SV2C: variants seen among roughly 807,000 people sequenced by gnomAD.
SV2C encodes the protein solute carrier family 22 member B3.
In SV2C, 49 loss-of-function variants were observed where a neutral mutation model predicts 79.7. The observed-to-expected ratio is 0.61, with a 90% CI of 0.49 to 0.78. The LOEUF (loss-of-function observed/expected upper bound fraction) is 0.78. Among genes scored for constraint, SV2C ranks in the 30% least tolerant of loss-of-function variants. SV2C has a pLI of 0.00. For synonymous variants in SV2C, 334 were observed against 333.2 expected (o/e 1.00, Z -0.03); for missense variants, 833 against 912.9 (o/e 0.91, Z 1.13).
At chr5:76,285,449 C>A in intron 5 of SV2C, 154 bp downstream of exon 5, 2 of 1,078,974 alleles carry the variant, frequency 1.9e-6, no homozygotes, top group East Asian at 5.1e-5. Flanking sequence ...GACCTGCTTT[C>A]AACAACCAAC....
chr5:76,000,930 T>G, the SV2C span, among the ~76,000 whole-genome samples: 1 of 151,570 alleles, frequency 6.6e-6, no homozygotes, highest in African/African-American at 2.4e-5. Context: ...GCTTTCAGAG[T>G]GCTTTCTTCA....
chr5:76,209,855 C>T lies in SV2C; in HGVS notation c.881C>T (p.Ser294Phe), dbSNP rs1242161988. ...MFWMIGGIYASAMAWAIIPHY... is the reference protein window; with the variant it reads ...MFWMIGGIYAFAMAWAIIPHY... ...TGGATGATCGGTGGCATCTACGCCT[C>T]TGCCATGGCCTGGGCCATCATCCCG... Residue 294 changes from serine (S) to phenylalanine (F), a missense_variant, in exon 4 of 13, where the codon TCT becomes TTT. Physicochemically the swap from Ser to Phe is radical, Grantham distance 155. Coordinates refer to ENST00000502798, the MANE Select transcript of SV2C (RefSeq NM_014979.4). 6.2e-7 allele frequency: 1 copy of T among 1,614,042 alleles called. No homozygotes were observed. Among genetic ancestry groups the T allele is most frequent in the African/African-American group, 1.3e-5 (1 of 75,066 alleles).
chr5:75,876,311 T>C, the SV2C span, among the ~76,000 whole-genome samples: 1 of 152,028 alleles, frequency 6.6e-6, no homozygotes, highest in Non-Finnish European at 1.5e-5. Context: ...AGCAAACTAA[T>C]GCAGGAACAG....
chr5:76,053,057 G>A, the SV2C span, among the ~76,000 whole-genome samples: 1 of 151,618 alleles, frequency 6.6e-6, no homozygotes, highest in Non-Finnish European at 1.5e-5. Context: ...TCCGTATTCT[G>A]GCTTAGCCCA....
At chr5:76,105,799 C>G (rs983351990) in intron 1 of SV2C, among the ~76,000 whole-genome samples, 1 of 152,114 alleles carries the variant, frequency 6.6e-6, no homozygotes, top group African/African-American at 2.4e-5. Flanking sequence ...GGTCTTCCTC[C>G]TGCCACCTAG....
At chr5:76,123,081 A>G (rs972602145) in intron 1 of SV2C, among the ~76,000 whole-genome samples, 8 of 152,250 alleles carry the variant, frequency 5.3e-5, no homozygotes, top group Non-Finnish European at 7.3e-5. Flanking sequence ...AACTACCATC[A>G]GAGAATACTA....
chr5:76,209,671 G>T, intron 3 of SV2C, 65 bp from the exon 4 acceptor site: 3 of 1,528,174 alleles, frequency 2.0e-6, no homozygotes, highest in Non-Finnish European at 8.9e-7. Flanking sequence ...CTTTGGCTCT[G>T]CCCTTTGCGT....
intron 1 of SV2C, among the ~76,000 whole-genome samples, chr5:76,102,861 C>A (rs1747790644): frequency 6.6e-6 from 1 of 152,182 alleles, no homozygotes; most frequent in Non-Finnish European, 1.5e-5. Flanking sequence ...CATTGATGTG[C>A]TTCTGTGATT....
At chr5:76,257,687 G>T (rs1054661916) in intron 4 of SV2C, among the ~76,000 whole-genome samples, 1 of 150,826 alleles carries the variant, frequency 6.6e-6, no homozygotes, top group African/African-American at 2.4e-5. Context: ...TGTGGTGTGT[G>T]GTATGTATAG....
chr5:76,089,928 T>C (rs1389032079), intron 1 of SV2C, among the ~76,000 whole-genome samples: 1 of 152,256 alleles, frequency 6.6e-6, no homozygotes, highest in Non-Finnish European at 1.5e-5. Flanking sequence ...TCCTAGCATG[T>C]TACTTCATAG....
chr5:76,205,853 T>C (rs1478509222), intron 3 of SV2C, among the ~76,000 whole-genome samples: 1 of 152,160 alleles, frequency 6.6e-6, no homozygotes, highest in Non-Finnish European at 1.5e-5. Context: ...GTAGGGTGTT[T>C]AGCAGCGTCT....
chr5:76,001,931 T>C, the SV2C span, among the ~76,000 whole-genome samples: 1 of 152,102 alleles, frequency 6.6e-6, no homozygotes, highest in African/African-American at 2.4e-5. Context: ...CAACATGTAG[T>C]CTTTTATTCC....
At position 76,331,286 on chromosome 5, in the gene SV2C, T is replaced by A. The variant is rs1320061221; in HGVS notation, c.*5739T>A. The stretch of plus-strand genomic sequence containing the variant: ...GAGCTAAGTCAGCAAAGCCTGCAGC[T>A]GCTGCCACTCCCCTGGTCTGTGCCT... On this transcript the variant is annotated 3_prime_UTR_variant, in exon 13 of 13. Coordinates refer to ENST00000502798, the MANE Select transcript of SV2C (RefSeq NM_014979.4). 6.6e-6 allele frequency: 1 copy of A among 152,308 alleles called. No homozygotes were observed. Among genetic ancestry groups the A allele is most frequent in the Non-Finnish European group, 1.5e-5 (1 of 68,112 alleles). 9.4% of individuals were successfully genotyped at this position (152,308 alleles called of 1,614,324 possible). A position where few individuals can be genotyped will look rare whatever the true frequency, so the allele number is the denominator to read the frequency against.
At chr5:76,055,490 T>C in the SV2C span, among the ~76,000 whole-genome samples, 2 of 152,338 alleles carry the variant, frequency 1.3e-5, no homozygotes, top group Non-Finnish European at 1.5e-5. Flanking sequence ...AGCTCTTTTT[T>C]GGTTCCATAT....
the SV2C span, among the ~76,000 whole-genome samples, chr5:75,919,254 A>C: frequency 6.6e-6 from 1 of 152,226 alleles, no homozygotes; most frequent in Non-Finnish European, 1.5e-5. Flanking sequence ...AGAGAAAAAA[A>C]CATCCTTTCT....
At chr5:76,009,805 G>T in the SV2C span, among the ~76,000 whole-genome samples, 1 of 152,012 alleles carries the variant, frequency 6.6e-6, no homozygotes, top group African/African-American at 2.4e-5. Flanking sequence ...TGGATACTAT[G>T]CTCAGCACCT....
chr5:76,144,087 A>C (rs756611326), intron 2 of SV2C, among the ~76,000 whole-genome samples: 3 of 152,182 alleles, frequency 2.0e-5, no homozygotes, highest in Admixed American at 6.5e-5. Context: ...GTTACGCAAC[A>C]ATGTGAATGT....
At position 76,194,956 on chromosome 5, in the gene SV2C, C is replaced by T. The variant is rs576019518; in HGVS notation, c.618C>T (p.Phe206=). 1 of 1,613,988 alleles carries T rather than the reference C, an allele frequency of 6.2e-7. No individual in the cohort carries two copies. The highest frequency in any genetic ancestry group is 8.5e-7 in the Non-Finnish European group (1 of 1,179,930). Residue 206 remains phenylalanine (F), a synonymous_variant, in exon 3 of 13, where the codon TTC becomes TTT. Transcript: ENST00000502798. ...IVYLGMMVGA[F]FWGGLADKVG... is the part of the protein sequence containing the mutation. ...ACCTCGGGATGATGGTGGGGGCGTT[C>T]TTCTGGGGAGGACTGGCAGACAAAG...
chr5:76,287,339 G>C (rs1352777560), intron 6 of SV2C, among the ~76,000 whole-genome samples: 1 of 152,128 alleles, frequency 6.6e-6, no homozygotes, highest in East Asian at 1.9e-4. Context: ...GCTTCAACTT[G>C]ATATAGCTTG....
Sources: allele counts gnomAD v4.1 joint callset (sites outside exome capture counted in the v4.1 genomes callset), GRCh38; gene constraint gnomAD v4.1.1; transcripts MANE v1.5; gene names NCBI Gene and HGNC (gene_info 2026-07-23, HGNC 2026-07-21).